Variants in RDX observed in about 807,000 individuals in gnomAD.
The protein encoded by RDX is deafness, autosomal recessive 24.
In RDX, 32 loss-of-function variants were observed where a neutral mutation model predicts 83.7. The observed-to-expected ratio is 0.38, with a 90% CI of 0.29 to 0.51. RDX has a LOEUF of 0.51. Ranked by LOEUF, RDX falls within the 20% of genes least tolerant of loss-of-function variation. The pLI is 0.87. For missense variants in RDX, 600 were observed against 689.9 expected (o/e 0.87, Z 1.46); for synonymous variants, 229 against 222.7 (o/e 1.03, Z -0.25).
At chr11:110,295,204 T>C (rs911644559) in intron 1 of RDX, among the ~76,000 whole-genome samples, 6 of 151,912 alleles carry the variant, frequency 3.9e-5, no homozygotes, top group Admixed American at 3.9e-4. Flanking sequence ...AATCCAGTGA[T>C]GCTGTTTTGG....
chr11:110,289,979 A>AAAAAAAAAAAAAC (rs1555049799), intron 1 of RDX, among the ~76,000 whole-genome samples: 9 of 144,710 alleles, frequency 6.2e-5, no homozygotes, highest in African/African-American at 2.2e-4. Flanking sequence ...AAAAAAAAAA[A>AAAAAAAAAAAAAC]AAACAAGGGT....
At chr11:110,258,021 T>C (rs1859616579) in intron 6 of RDX, 85 bp downstream of exon 6, 1 of 1,490,212 alleles carries the variant, frequency 6.7e-7, no homozygotes, top group East Asian at 2.3e-5. Context: ...CAAACAATCT[T>C]TTGGAAATAA....
chr11:110,210,644 G>A (rs1188018115), intron 14 of RDX, among the ~76,000 whole-genome samples: 1 of 150,506 alleles, frequency 6.6e-6, no homozygotes. Context: ...GGATCTCTCG[G>A]CAGAAACCCT....
intron 14 of RDX, among the ~76,000 whole-genome samples, chr11:110,218,504 CT>C (rs1406307871): frequency 2.0e-5 from 3 of 152,206 alleles, no homozygotes; most frequent in Non-Finnish European, 4.4e-5. Context: ...TTTCCTTACA[CT>C]TTCCCCTTGG....
intron 9 of RDX, among the ~76,000 whole-genome samples, chr11:110,253,569 T>C (rs904334266): frequency 6.6e-6 from 1 of 152,180 alleles, no homozygotes; most frequent in Non-Finnish European, 1.5e-5. Flanking sequence ...GTTTCAGTTG[T>C]GTTCTACAAT....
intron 1 of RDX, among the ~76,000 whole-genome samples, chr11:110,283,373 C>A (rs1429666314): frequency 6.6e-6 from 1 of 152,050 alleles, no homozygotes; most frequent in Non-Finnish European, 1.5e-5. Context: ...AGGCTGGTCT[C>A]GAACTCTTGA....
At chr11:110,239,955 T>C (rs144720507) in intron 10 of RDX, among the ~76,000 whole-genome samples, 1 of 151,850 alleles carries the variant, frequency 6.6e-6, no homozygotes, top group African/African-American at 2.4e-5. Context: ...TAGAACAATA[T>C]AGAGTCCTCA....
chr11:110,183,127 C>T (rs1238185013), intron 15 of RDX, among the ~76,000 whole-genome samples: 1 of 152,078 alleles, frequency 6.6e-6, no homozygotes, highest in East Asian at 1.9e-4. Flanking sequence ...TTGGTTCAAC[C>T]ACCAATGAAA....
chr11:110,228,085 T>C (rs971880156), downstream of RDX, among the ~76,000 whole-genome samples: 1 of 152,084 alleles, frequency 6.6e-6, no homozygotes, highest in African/African-American at 2.4e-5. Flanking sequence ...GTAGTTCTTA[T>C]ATCTTGATAC....
At chr11:110,242,689 T>A (rs1259579919) in intron 10 of RDX, among the ~76,000 whole-genome samples, 1 of 152,168 alleles carries the variant, frequency 6.6e-6, no homozygotes, top group Non-Finnish European at 1.5e-5. Context: ...GTGTAAGTTT[T>A]AAAAAATGTT....
intron 14 of RDX, among the ~76,000 whole-genome samples, chr11:110,221,648 A>ACACAC (rs1864255076): frequency 1.3e-5 from 2 of 149,808 alleles, no homozygotes; most frequent in Non-Finnish European, 3.0e-5. Context: ...ACACACACGA[A>ACACAC]GATCAAAGTT....
chr11:110,206,938 C>T (rs1161500794), intron 14 of RDX, among the ~76,000 whole-genome samples: 2 of 152,066 alleles, frequency 1.3e-5, no homozygotes, highest in Non-Finnish European at 2.9e-5. Context: ...AAAACAGCAG[C>T]ATCAGACTCA....
In RDX at chr11:110,254,396, C is replaced by T. The variant is rs1389525339; in HGVS notation, c.796-287G>A. Among the ~76,000 whole-genome samples the T allele has an allele frequency of 3.7e-4, 56 of 152,120 alleles. 2 individuals are homozygous for T. Among genetic ancestry groups the T allele is most frequent in the Admixed American group, 3.7e-3 (56 of 15,270 alleles). ...TTTTGTTCTCGAAAGTAACTATGAGCACCTGTTCCTTATACACCATTTGCC... is the reference window on the plus strand; with the variant it reads ...TTTTGTTCTCGAAAGTAACTATGAGTACCTGTTCCTTATACACCATTTGCC... On this transcript the variant is annotated intron_variant, in intron 8 of 13. Transcript: ENST00000645495.
Position 110,255,394 on chromosome 11 carries a change from A to T in RDX, c.699-9T>A. 1 of 1,363,754 alleles carries T rather than the reference A, an allele frequency of 7.3e-7. No homozygotes were observed. Among genetic ancestry groups the T allele is most frequent in the South Asian group, 1.2e-5 (1 of 85,688 alleles). The allele number at this position is 1,363,754 out of a possible 1,614,324, so 84.5% of individuals were successfully genotyped here. ...CAATTTTAGGTGTTAACCTTAAAAA[A>T]TGAAAGCATCTCCTTAATTAAAGGC... On this transcript the variant is annotated splice_polypyrimidine_tract_variant and intron_variant, in intron 7 of 13. Transcript: ENST00000645495.
At chr11:110,226,504 G>C (rs1422854555), downstream of RDX, among the ~76,000 whole-genome samples, 1 of 152,076 alleles carries the variant, frequency 6.6e-6, no homozygotes, top group Non-Finnish European at 1.5e-5. Flanking sequence ...CCATTTAATG[G>C]GTACAGGCTT....
At chr11:110,193,272 A>T (rs1226428344) in intron 15 of RDX, among the ~76,000 whole-genome samples, 14 of 152,202 alleles carry the variant, frequency 9.2e-5, no homozygotes, top group Admixed American at 9.2e-4. Context: ...AGGAACAGAA[A>T]ACCAAATACC....
intron 10 of RDX, 86 bp from the exon 11 acceptor site, chr11:110,237,738 A>C: frequency 7.1e-7 from 1 of 1,415,284 alleles, no homozygotes; most frequent in Non-Finnish European, 1.0e-6. Context: ...GCAAGAAATC[A>C]AATCTGTTCA....
chr11:110,192,854 CA>C (rs59034419), intron 15 of RDX, among the ~76,000 whole-genome samples: 65,435 of 147,004 alleles, frequency 0.45, 14,224 homozygotes, highest in East Asian at 0.61. Flanking sequence ...ATTGAAAAGT[CA>C]AAAAAAAAAA....
At chr11:110,227,633 A>G (rs1294357360), downstream of RDX, among the ~76,000 whole-genome samples, 2 of 150,618 alleles carry the variant, frequency 1.3e-5, no homozygotes, top group Non-Finnish European at 2.9e-5. Flanking sequence ...ATCTAAGGCT[A>G]AGATAAGTTA....
Sources: gnomAD v4.1 joint callset for allele counts (sites outside exome capture counted in the v4.1 genomes callset) on GRCh38, gnomAD v4.1.1 for gene constraint, MANE v1.5 for transcripts, NCBI Gene and HGNC (gene_info 2026-07-23, HGNC 2026-07-21) for gene names.